EPB41L4A: variants seen among roughly 807,000 people sequenced by gnomAD.
EPB41L4A encodes the protein erythrocyte membrane protein band 4.1 like 4A.
A neutral mutation model predicts 108.6 loss-of-function variants in EPB41L4A; 100 were observed. The ratio of observed to expected loss-of-function variants is 0.92; its 90% CI spans 0.78 to 1.09. The LOEUF (loss-of-function observed/expected upper bound fraction) is 1.09, where lower values mean the gene tolerates loss of function less well. EPB41L4A is among the 50% of genes least tolerant of loss of function. EPB41L4A has a pLI of 0.00. For missense variants in EPB41L4A, 1,030 were observed against 842.7 expected (o/e 1.22, Z -2.75); for synonymous variants, 319 against 289.0 (o/e 1.10, Z -1.05).
chr5:112,407,808 GCAGGACTAAAA>G (rs1034539219), intron 1 of EPB41L4A, among the ~76,000 whole-genome samples: 1 of 152,166 alleles, frequency 6.6e-6, no homozygotes, highest in Non-Finnish European at 1.5e-5. Flanking sequence ...ATTAGCAGCA[GCAGGACTAAAA>G]CAATCCTTCA....
rs1306298990 is a variant in EPB41L4A, at chr5:112,204,404, G to C, written c.1347C>G (p.Asp449Glu). 6.2e-7 allele frequency: 1 copy of C among 1,613,584 alleles called. No individual in the cohort carries two copies. The highest frequency in any genetic ancestry group is 1.7e-5 in the Admixed American group (1 of 60,022). Residue 449 changes from aspartate to glutamate, a missense_variant, in exon 15 of 23, where the codon GAC becomes GAG. Asp to Glu is a conservative substitution (Grantham distance 45). Coordinates refer to ENST00000261486, the MANE Select transcript of EPB41L4A (RefSeq NM_022140.5). ...TCCTCACAGGCTGTACAGAATCATT[G>C]TCACTTCCACAGGAGGGGTTTCGGC... ...TRRRNPSCGSDNDSVQPVRRR... is the reference protein window; with the variant it reads ...TRRRNPSCGSENDSVQPVRRR...
At chr5:112,250,365 G>C (rs1337027658) in intron 9 of EPB41L4A, among the ~76,000 whole-genome samples, 1 of 152,136 alleles carries the variant, frequency 6.6e-6, no homozygotes, top group African/African-American at 2.4e-5. Flanking sequence ...GGAATTCACA[G>C]ATATGAACAT....
chr5:112,320,615 T>G (rs1755711908), intron 1 of EPB41L4A, among the ~76,000 whole-genome samples: 1 of 152,144 alleles, frequency 6.6e-6, no homozygotes, highest in East Asian at 1.9e-4. Context: ...AGATAAAAGC[T>G]CTGGAGATAG....
At chr5:112,205,367 A>G (rs939279499) in intron 14 of EPB41L4A, 54 bp downstream of exon 14, 1 of 1,417,904 alleles carries the variant, frequency 7.1e-7, no homozygotes, top group East Asian at 2.3e-5. Context: ...AATGAGCTGC[A>G]TGTACTAACC....
chr5:112,265,045 C>T, intron 5 of EPB41L4A, 29 bp from the exon 6 acceptor site: 2 of 1,527,682 alleles, frequency 1.3e-6, no homozygotes, highest in South Asian at 1.3e-5. Flanking sequence ...ATAGTTTTTT[C>T]CATTTTAGGA....
chr5:112,260,986 C>A (rs1212837098), intron 7 of EPB41L4A, among the ~76,000 whole-genome samples: 2 of 152,136 alleles, frequency 1.3e-5, no homozygotes, highest in Non-Finnish European at 2.9e-5. Context: ...TTAGGATAAA[C>A]ATTATACAAA....
intron 2 of EPB41L4A, among the ~76,000 whole-genome samples, chr5:112,282,217 A>T (rs924688255): frequency 2.6e-5 from 4 of 152,216 alleles, no homozygotes; most frequent in Admixed American, 6.5e-5. Flanking sequence ...AGTAAAATCA[A>T]TCCAAACGTT....
At chr5:112,345,400 T>C (rs80273973) in intron 1 of EPB41L4A, among the ~76,000 whole-genome samples, 5,634 of 152,234 alleles carry the variant, frequency 0.037, 136 homozygotes, top group Middle Eastern at 0.078. Context: ...ACATATTTAA[T>C]GACACTTAGA....
At chr5:112,245,071 A>C (rs1750107540) in intron 9 of EPB41L4A, among the ~76,000 whole-genome samples, 1 of 152,168 alleles carries the variant, frequency 6.6e-6, no homozygotes, top group Admixed American at 6.5e-5. Flanking sequence ...TTGTAAAAAA[A>C]ACACAGTATC....
At chr5:112,199,785 A>G (rs893516667) in intron 15 of EPB41L4A, among the ~76,000 whole-genome samples, 1 of 152,164 alleles carries the variant, frequency 6.6e-6, no homozygotes, top group African/African-American at 2.4e-5. Flanking sequence ...TCTACCCCTC[A>G]TACTGATTCT....
rs111459675 is a variant in EPB41L4A at position 112,237,532 on chromosome 5, G to A, written c.965+2128C>T. On this transcript the variant is annotated intron_variant, in intron 11 of 22. Transcript: ENST00000261486. ...ACAATTACACACACAAACACACCCA[G>A]ATACCTGCATTCATACACTGCAGCC... is the stretch of plus-strand genomic sequence containing the variant. Among the ~76,000 whole-genome samples the A allele has an allele frequency of 1.7e-4, 26 of 152,134 alleles. 1 individual carries two copies. Among genetic ancestry groups the A allele is most frequent in the African/African-American group, 5.5e-4 (23 of 41,534 alleles).
chr5:112,217,549 T>G (rs1747741109), intron 12 of EPB41L4A, among the ~76,000 whole-genome samples: 1 of 152,088 alleles, frequency 6.6e-6, no homozygotes, highest in Non-Finnish European at 1.5e-5. Flanking sequence ...AAAGTTTTTT[T>G]AATTAGCCAG....
At chr5:112,149,234 T>G (rs1034608625) in intron 12 of EPB41L4A, among the ~76,000 whole-genome samples, 1 of 152,174 alleles carries the variant, frequency 6.6e-6, no homozygotes, top group East Asian at 1.9e-4. Flanking sequence ...CCCAGCACTT[T>G]GGGATGCTGA....
chr5:112,243,292 T>TATATC (rs1561504555), intron 9 of EPB41L4A, among the ~76,000 whole-genome samples: 7 of 147,360 alleles, frequency 4.8e-5, no homozygotes, highest in African/African-American at 1.7e-4. Flanking sequence ...TATATATATA[T>TATATC]TTTGTTTGTT....
At chr5:112,273,387 G>T (rs1050358626) in intron 4 of EPB41L4A, among the ~76,000 whole-genome samples, 1 of 152,198 alleles carries the variant, frequency 6.6e-6, no homozygotes, top group Admixed American at 6.5e-5. Flanking sequence ...AGTAGATTCT[G>T]TTGGGAAATT....
downstream of EPB41L4A, among the ~76,000 whole-genome samples, chr5:112,160,190 ATGAGCC>A (rs1759805341): frequency 6.6e-6 from 1 of 152,104 alleles, no homozygotes; most frequent in African/African-American, 2.4e-5. Context: ...GATTACAGGC[ATGAGCC>A]ACCGCGCCCG....
intron 1 of EPB41L4A, among the ~76,000 whole-genome samples, chr5:112,411,166 T>C (rs1269395303): frequency 1.3e-5 from 2 of 152,180 alleles, no homozygotes; most frequent in African/African-American, 4.8e-5. Context: ...AGGGTAGTGA[T>C]GGCTGGCTTA....
At chr5:112,271,978 G>A (rs1391047910) in intron 4 of EPB41L4A, among the ~76,000 whole-genome samples, 1 of 152,046 alleles carries the variant, frequency 6.6e-6, no homozygotes, top group East Asian at 1.9e-4. Flanking sequence ...ACTCCAAGTT[G>A]ATGATTCTAT....
intron 1 of EPB41L4A, among the ~76,000 whole-genome samples, chr5:112,380,768 C>T (rs1394343538): frequency 2.0e-5 from 3 of 148,600 alleles, no homozygotes; most frequent in Non-Finnish European, 4.4e-5. Context: ...AAAAGAGAAA[C>T]CCATCCTCTG....
Sources: gnomAD v4.1 joint callset for allele counts (sites outside exome capture counted in the v4.1 genomes callset) on GRCh38, gnomAD v4.1.1 for gene constraint, MANE v1.5 for transcripts, NCBI Gene and HGNC (gene_info 2026-07-23, HGNC 2026-07-21) for gene names.